The following MAGI2 variants were observed in gnomAD, a reference collection of about 807,000 sequenced individuals.
MAGI2 encodes the protein membrane associated guanylate kinase, WW and PDZ domain containing 2.
MAGI2 carries 35 observed loss-of-function variants against 133.3 expected under a neutral mutation model. That is an observed-to-expected ratio of 0.26 (90% CI 0.20 to 0.35). The LOEUF (loss-of-function observed/expected upper bound fraction) is 0.35, where lower values mean the gene tolerates loss of function less well. MAGI2 is among the 10% of genes least tolerant of loss of function. The probability of loss-of-function intolerance (pLI) is 1.00; values close to 1 mark genes in which losing one functional copy is unlikely to be tolerated. For synonymous variants in MAGI2, 729 were observed against 710.6 expected (o/e 1.03, Z -0.41); for missense variants, 1,636 against 1,863.4 (o/e 0.88, Z 2.25).
intron 3 of MAGI2, among the ~76,000 whole-genome samples, chr7:78,614,108 TA>T (rs10558658): frequency 0.048 from 7,013 of 147,310 alleles, 221 homozygotes; most frequent in East Asian, 0.085. Flanking sequence ...AGACTTCATC[TA>T]AAAAAAAAAA....
At chr7:79,357,728 C>T (rs1288169590) in intron 1 of MAGI2, among the ~76,000 whole-genome samples, 1 of 152,122 alleles carries the variant, frequency 6.6e-6, no homozygotes, top group Non-Finnish European at 1.5e-5. Context: ...TCACTTCCCA[C>T]AAGCCTAAAA....
At position 79,136,003 on chromosome 7, in the gene MAGI2, G is replaced by A. The variant is rs199914161; in HGVS notation, c.302-128797C>T. ...AGAAAGAAAGAAAGAAAGAAAGAAA[G>A]AGAAAGAAAGAAAGAAAGAAAGAAG... On this transcript the variant is annotated intron_variant, in intron 1 of 21. Coordinates refer to ENST00000354212, the MANE Select transcript of MAGI2 (RefSeq NM_012301.4). 3.9e-3 allele frequency among the ~76,000 whole-genome samples: 159 copies of A among 40,790 alleles called. 1 individual carries two copies. The highest frequency in any genetic ancestry group is 0.015 in the East Asian group (20 of 1,330). The allele number at this position is 40,790 out of a possible 152,430, so 26.8% of individuals were successfully genotyped here.
At chr7:78,501,495 T>C in intron 5 of MAGI2, 82 bp downstream of exon 5, 1 of 1,239,246 alleles carries the variant, frequency 8.1e-7, no homozygotes, top group Non-Finnish European at 1.1e-6. Context: ...TTTTTTTTTT[T>C]TTTTCCACGT....
intron 2 of MAGI2, among the ~76,000 whole-genome samples, chr7:78,745,592 A>G (rs1035470220): frequency 2.6e-5 from 4 of 152,166 alleles, no homozygotes; most frequent in Non-Finnish European, 4.4e-5. Context: ...GTCTCATGCA[A>G]TATTCTGCTC....
chr7:78,708,980 C>T (rs1024647894), intron 2 of MAGI2, among the ~76,000 whole-genome samples: 9 of 152,116 alleles, frequency 5.9e-5, no homozygotes, highest in Admixed American at 5.9e-4. Flanking sequence ...GTCTCCTTCT[C>T]TCCATCCCCG....
intron 1 of MAGI2, among the ~76,000 whole-genome samples, chr7:79,071,298 C>A (rs1814936955): frequency 6.6e-6 from 1 of 152,204 alleles, no homozygotes; most frequent in Non-Finnish European, 1.5e-5. Flanking sequence ...GCAAAGATTG[C>A]TGGATGTTCC....
At chr7:78,329,659 A>G (rs893272660) in intron 9 of MAGI2, among the ~76,000 whole-genome samples, 2 of 152,186 alleles carry the variant, frequency 1.3e-5, no homozygotes, top group African/African-American at 4.8e-5. Flanking sequence ...TCTTTTTGTT[A>G]TGATTCAGAA....
rs144366421 is a variant in MAGI2 at position 79,389,515 on chromosome 7, C to T, written c.301+63505G>A. 7.2e-5 allele frequency among the ~76,000 whole-genome samples: 11 copies of T among 152,168 alleles called. No homozygotes were observed. In the East Asian group the frequency reaches 1.9e-3, roughly 27 times the overall value. ...ATTAACTGTTTAGTAGCAAATGCCA[C>T]ATCATAAGGGATATTTTTAAATAAT... On this transcript the variant is annotated intron_variant, in intron 1 of 21. Coordinates refer to ENST00000354212, the MANE Select transcript of MAGI2 (RefSeq NM_012301.4).
chr7:78,840,401 A>G (rs536890635), intron 2 of MAGI2, among the ~76,000 whole-genome samples: 1 of 152,152 alleles, frequency 6.6e-6, no homozygotes, highest in East Asian at 1.9e-4. Flanking sequence ...AATGCTTGTT[A>G]AAACACAGAT....
chr7:78,651,582 A>C (rs1811577454), intron 2 of MAGI2, among the ~76,000 whole-genome samples: 1 of 152,072 alleles, frequency 6.6e-6, no homozygotes, highest in African/African-American at 2.4e-5. Flanking sequence ...CAATAATATG[A>C]TTCTTTTGAT....
intron 12 of MAGI2, among the ~76,000 whole-genome samples, chr7:78,188,049 A>G (rs1267853512): frequency 1.3e-5 from 2 of 152,202 alleles, no homozygotes. Context: ...ACTAAATGAA[A>G]TAAATTTATC....
At chr7:78,605,752 G>C (rs1044529712) in intron 3 of MAGI2, among the ~76,000 whole-genome samples, 6 of 152,148 alleles carry the variant, frequency 3.9e-5, no homozygotes, top group Non-Finnish European at 8.8e-5. Context: ...TAATATTTTA[G>C]GGGAAGTTCA....
chr7:78,143,990 T>G (rs1823033453), intron 16 of MAGI2, among the ~76,000 whole-genome samples: 2 of 151,856 alleles, frequency 1.3e-5, no homozygotes, highest in African/African-American at 4.8e-5. Context: ...GTCTATGTTT[T>G]TAGTCCTCCC....
intron 2 of MAGI2, among the ~76,000 whole-genome samples, chr7:78,694,796 T>C (rs113470114): frequency 2.6e-5 from 4 of 152,224 alleles, no homozygotes; most frequent in African/African-American, 4.8e-5. Flanking sequence ...CTACCTGTTA[T>C]TGCAATTAAG....
At chr7:78,460,646 A>G (rs1296368415) in intron 6 of MAGI2, among the ~76,000 whole-genome samples, 8 of 152,306 alleles carry the variant, frequency 5.3e-5, no homozygotes, top group Admixed American at 4.6e-4. Context: ...CCTTATTTAC[A>G]AAGGATATCT....
In MAGI2 at chr7:78,208,627, C is replaced by T. The variant is rs1269856896; in HGVS notation, c.2048-7434G>A. ...AAATTGGCAAAGAAAATGTGGAAGG[C>T]AATCAATACTTGCAAATGGAAAAAT... On this transcript the variant is annotated intron_variant, in intron 10 of 21. Coordinates refer to ENST00000354212, the MANE Select transcript of MAGI2 (RefSeq NM_012301.4). 4.0e-5 allele frequency among the ~76,000 whole-genome samples: 6 copies of T among 150,546 alleles called. No homozygotes were observed. The East Asian group carries it at 1.2e-3, about 29-fold the overall frequency.
intron 2 of MAGI2, among the ~76,000 whole-genome samples, chr7:78,768,686 G>A (rs76663585): frequency 0.012 from 1,841 of 152,254 alleles, 43 homozygotes; most frequent in African/African-American, 0.042. Context: ...ATGACTCCAT[G>A]TCATTTTGCA....
chr7:78,730,747 A>G (rs951497482), intron 2 of MAGI2, among the ~76,000 whole-genome samples: 5 of 152,138 alleles, frequency 3.3e-5, no homozygotes, highest in African/African-American at 7.2e-5. Context: ...CCGCTGGGAA[A>G]CACAGACAAA....
chr7:79,433,038 A>G (rs1847881321), intron 1 of MAGI2, among the ~76,000 whole-genome samples: 1 of 152,202 alleles, frequency 6.6e-6, no homozygotes, highest in African/African-American at 2.4e-5. Flanking sequence ...CTCCCTTTTC[A>G]CTGGTTTCCA....
Sources: allele counts gnomAD v4.1 joint callset (sites outside exome capture counted in the v4.1 genomes callset), GRCh38; gene constraint gnomAD v4.1.1; transcripts MANE v1.5; gene names NCBI Gene and HGNC (gene_info 2026-07-23, HGNC 2026-07-21).